ANPEP: variants seen among roughly 807,000 people sequenced by gnomAD.
ANPEP encodes the protein alanyl aminopeptidase, membrane.
Under a neutral mutation model 114.6 loss-of-function variants are expected in ANPEP, and 70 were observed. The ratio of observed to expected loss-of-function variants is 0.61; its 90% confidence interval spans 0.50 to 0.75. The LOEUF is 0.75. ANPEP is among the 30% of genes least tolerant of loss of function. The pLI, the probability that ANPEP is intolerant of heterozygous loss-of-function variation, is 0.00. For synonymous variants in ANPEP, 548 were observed against 522.3 expected (o/e 1.05, Z -0.67); for missense variants, 1,184 against 1,259.5 (o/e 0.94, Z 0.91).
chr15:89,806,140 G>T lies in ANPEP; in HGVS notation c.444C>A (p.Pro148=). 6.2e-7 allele frequency: 1 copy of T among 1,613,936 alleles called. No homozygotes were observed. Among genetic ancestry groups the T allele is most frequent in the South Asian group, 1.1e-5 (1 of 91,074 alleles). The change falls in exon 2 of 21, where the codon CCC becomes CCA. Residue 148 remains proline (P), a synonymous_variant. Coordinates refer to ENST00000300060, the MANE Select transcript of ANPEP (RefSeq NM_001150.3). This position sits in a 1 kb window ranked among gnomAD's most constrained non-coding sequence, Gnocchi z 5.7. Reference sequence around the variant, plus strand: ...CCACCAGCTCAGTCTTGTCAATGTCGGGGGGCTGGGAGCCTCCCACACCAC... The same window carrying T: ...CCACCAGCTCAGTCTTGTCAATGTCTGGGGGCTGGGAGCCTCCCACACCAC... ...VLRGVGGSQP[P]DIDKTELVEP...
chr15:89,801,409 A>G, intron 11 of ANPEP, 26 bp downstream of exon 11: 1 of 1,612,710 alleles, frequency 6.2e-7, no homozygotes, highest in South Asian at 1.1e-5. Context: ...CCACCTGACC[A>G]TGCCTCAGTG....
chr15:89,803,723 G>A lies in ANPEP; in HGVS notation c.1361C>T (p.Pro454Leu), dbSNP rs200722247. The A allele has an allele frequency of 2.7e-5, 44 of 1,612,462 alleles. No individual in the cohort carries two copies. The highest frequency in any genetic ancestry group is 1.3e-4 in the Admixed American group (8 of 59,882). Reference sequence around the variant, plus strand: ...GATCTCCGAGGCGGGTGTGGACAGCGGGTGGGAGGAGGCCAGTGCATCCAC... The same window carrying A: ...GATCTCCGAGGCGGGTGTGGACAGCAGGTGGGAGGAGGCCAGTGCATCCAC... Reference protein sequence around the residue: ...MAVDALASSHPLSTPASEINT... With the variant: ...MAVDALASSHLLSTPASEINT... Residue 454 changes from proline to leucine, a missense_variant, in exon 8 of 21, where the codon CCG becomes CTG. Transcript: ENST00000300060. The surrounding 1 kb of genome is among the most constrained non-coding windows in gnomAD (Gnocchi z 4.2).
At position 89,799,232 on chromosome 15, in the gene ANPEP, C is replaced by T. The variant is rs1177408998; in HGVS notation, c.2009+28G>A. The T allele has an allele frequency of 1.2e-6, 2 of 1,613,876 alleles. No individual in the cohort carries two copies. The highest frequency in any genetic ancestry group is 2.7e-5 in the African/African-American group (2 of 74,944). ...GACTTGCTGAAGTCACGAGCTTCTGCAGCTGAGCCAGGCAGCGGAGCACTC... is the reference window on the plus strand; with the variant it reads ...GACTTGCTGAAGTCACGAGCTTCTGTAGCTGAGCCAGGCAGCGGAGCACTC... On this transcript the variant is annotated intron_variant, in intron 14 of 20. Transcript: ENST00000300060. The surrounding 1 kb of genome is among the most constrained non-coding windows in gnomAD (Gnocchi z 4.2).
chr15:89,806,628 G>T lies in ANPEP; in HGVS notation c.-45C>A. 1 of 1,515,810 alleles carries T rather than the reference G, an allele frequency of 6.6e-7. No homozygotes were observed. Among genetic ancestry groups the T allele is most frequent in the South Asian group, 1.3e-5 (1 of 78,154 alleles). The allele number at this position is 1,515,810 out of a possible 1,614,324, so 93.9% of individuals were successfully genotyped here. On this transcript the variant is annotated 5_prime_UTR_variant, in exon 2 of 21. Coordinates refer to ENST00000300060, the MANE Select transcript of ANPEP (RefSeq NM_001150.3). This position sits in a 1 kb window ranked among gnomAD's most constrained non-coding sequence, Gnocchi z 5.7. ...CTCAGGGAGCCTCAGGCCAGGCAGA[G>T]AACGGAGCAGCCCCAGGCCGGGCTT... is the stretch of plus-strand genomic sequence containing the variant.
At chr15:89,809,598 G>A (rs1381500802) in intron 1 of ANPEP, among the ~76,000 whole-genome samples, 1 of 152,158 alleles carries the variant, frequency 6.6e-6, no homozygotes, top group Admixed American at 6.5e-5. Flanking sequence ...ACACAAAAGG[G>A]CTTCCCTCGT....
Position 89,799,476 on chromosome 15 carries a change from C to T in ANPEP, c.1903G>A (p.Asp635Asn), listed in dbSNP as rs776484276. The stretch of plus-strand genomic sequence containing the variant: ...TGAATCTTCCTCCAGTTCTCTTCGT[C>T]GTAGTTCACCCGGTAATAGCCCGTC... ...NVTGYYRVNY[D>N]EENWRKIQTQ... is the part of the protein sequence containing the mutation. Residue 635 changes from aspartate (D) to asparagine (N), a missense_variant, in exon 13 of 21, where the codon GAC becomes AAC. Transcript: ENST00000300060. This position sits in a 1 kb window ranked among gnomAD's most constrained non-coding sequence, Gnocchi z 4.2. 22 of 1,614,040 alleles carry T rather than the reference C, an allele frequency of 1.4e-5. No individual in the cohort carries two copies. Among genetic ancestry groups the T allele is most frequent in the South Asian group, 3.3e-5 (3 of 91,086 alleles).
chr15:89,795,988 G>A (rs1406786663), intron 15 of ANPEP, among the ~76,000 whole-genome samples: 1 of 152,208 alleles, frequency 6.6e-6, no homozygotes, highest in African/African-American at 2.4e-5. Flanking sequence ...GCCAAGGAGG[G>A]AGGATTGCTT....
chr15:89,791,416 CTTCTT>C (rs59240593), intron 18 of ANPEP, among the ~76,000 whole-genome samples: 90,268 of 150,638 alleles, frequency 0.6, 28,897 homozygotes, highest in African/African-American at 0.81. Flanking sequence ...GAGGGTGGCC[CTTCTT>C]TTCTTTTCTT....
In ANPEP at chr15:89,791,070, G is replaced by T. The variant is rs765520167; in HGVS notation, c.2552C>A (p.Pro851Gln). ...GGCGTCCTGCTTCCGGATTAAGTCC[G>T]GGTTCAGGGTGTAGCTCAGGTACCT... ...LNRYLSYTLNPDLIRKQDATS... is the reference protein window; with the variant it reads ...LNRYLSYTLNQDLIRKQDATS... Residue 851 changes from proline to glutamine, a missense_variant, in exon 19 of 21, where the codon CCG becomes CAG. By Grantham distance (76) the Pro-to-Gln change is moderately conservative (BLOSUM62 -1). Coordinates refer to ENST00000300060, the MANE Select transcript of ANPEP (RefSeq NM_001150.3). The T allele has an allele frequency of 6.2e-7, 1 of 1,614,070 alleles. No homozygotes were observed. Among genetic ancestry groups the T allele is most frequent in the Non-Finnish European group, 8.5e-7 (1 of 1,180,032 alleles).
In ANPEP at chr15:89,806,259, C is replaced by T. The variant is rs150675107; in HGVS notation, c.325G>A (p.Val109Ile). The change falls in exon 2 of 21, where the codon GTC becomes ATC. Residue 109 changes from valine (V) to isoleucine (I), a missense_variant. Transcript: ENST00000300060. This position sits in a 1 kb window ranked among gnomAD's most constrained non-coding sequence, Gnocchi z 5.7. ...GTGGCCTCCTTGCAGGTGAAACGGACGGTGCTGGAGCCCTTAAAAACGTAC... is the reference window on the plus strand; with the variant it reads ...GTGGCCTCCTTGCAGGTGAAACGGATGGTGCTGGAGCCCTTAAAAACGTAC... ...GLYVFKGSSTVRFTCKEATDV... is the reference protein window; with the variant it reads ...GLYVFKGSSTIRFTCKEATDV... The T allele has an allele frequency of 8.4e-5, 135 of 1,614,096 alleles. No homozygotes were observed. The African/African-American group carries it at 1.1e-3, about 14-fold the overall frequency.
At chr15:89,800,516 G>A (rs1894565275) in intron 12 of ANPEP, among the ~76,000 whole-genome samples, 1 of 150,254 alleles carries the variant, frequency 6.7e-6, no homozygotes, top group African/African-American at 2.5e-5. Context: ...CTCATAACAT[G>A]TGCCAGGCAC....
At chr15:89,787,555 G>C (rs1968531165) in intron 20 of ANPEP, among the ~76,000 whole-genome samples, 1 of 152,214 alleles carries the variant, frequency 6.6e-6, no homozygotes. Flanking sequence ...GACCTATTAA[G>C]TGAGTGAAAA....
intron 12 of ANPEP, among the ~76,000 whole-genome samples, chr15:89,800,690 T>G (rs1894570585): frequency 6.6e-6 from 1 of 151,204 alleles, no homozygotes; most frequent in Non-Finnish European, 1.5e-5. Flanking sequence ...GCCTCCAGAG[T>G]AGCTGGGATT....
chr15:89,804,799 T>C (rs894957125), intron 4 of ANPEP, 182 bp from the exon 5 acceptor site: 4 of 932,640 alleles, frequency 4.3e-6, no homozygotes, highest in African/African-American at 1.7e-5. Context: ...AGGCTGTGGG[T>C]CCTAGAGAAG....
In ANPEP at chr15:89,803,832, G is replaced by T; in HGVS notation, c.1294-42C>A. On this transcript the variant is annotated intron_variant, in intron 7 of 20. Coordinates refer to ENST00000300060, the MANE Select transcript of ANPEP (RefSeq NM_001150.3). This position sits in a 1 kb window ranked among gnomAD's most constrained non-coding sequence, Gnocchi z 4.2. ...GCCATCAGGAGACTGGCCTGGTAGC[G>T]GTGGCCCAGGTCTCCCTCCATGCCC... 1 of 1,612,302 alleles carries T rather than the reference G, an allele frequency of 6.2e-7. No homozygotes were observed. The highest frequency in any genetic ancestry group is 8.5e-7 in the Non-Finnish European group (1 of 1,178,678).
Position 89,803,125 on chromosome 15 carries a change from G to A in ANPEP, c.1569+114C>T, listed in dbSNP as rs1457465740. 2.5e-6 allele frequency: 3 copies of A among 1,212,628 alleles called. No individual in the cohort carries two copies. The South Asian group carries it at 3.8e-5, about 15-fold the overall frequency. The allele number at this position is 1,212,628 out of a possible 1,614,324, so 75.1% of individuals were successfully genotyped here. A position where few individuals can be genotyped will look rare whatever the true frequency, so the allele number is the denominator to read the frequency against. ...CAACAGAGGCTCCATCCACCCTGCA[G>A]GGCTGGTCAGCCGCGGAGCTGGACC... On this transcript the variant is annotated intron_variant, in intron 10 of 20. Transcript: ENST00000300060. This position sits in a 1 kb window ranked among gnomAD's most constrained non-coding sequence, Gnocchi z 4.2.
At chr15:89,790,811 C>G (rs1968606581) in intron 19 of ANPEP, 142 bp downstream of exon 19, 1 of 1,120,558 alleles carries the variant, frequency 8.9e-7, no homozygotes, top group Admixed American at 2.7e-5. Flanking sequence ...TCTTTCCATT[C>G]CTGCCCCACC....
At chr15:89,800,215 G>A (rs1473120999) in intron 12 of ANPEP, among the ~76,000 whole-genome samples, 1 of 152,100 alleles carries the variant, frequency 6.6e-6, no homozygotes, top group African/African-American at 2.4e-5. Flanking sequence ...TATTCCCTTT[G>A]CCTGGAATTC....
rs367803296 is a variant in ANPEP, at chr15:89,793,032, C to T, written c.2249+3G>A. 1.9e-6 allele frequency: 3 copies of T among 1,613,232 alleles called. No individual in the cohort carries two copies. The East Asian group carries it at 6.7e-5, about 36-fold the overall frequency. On this transcript the variant is annotated splice_donor_region_variant and intron_variant, in intron 16 of 20. Transcript: ENST00000300060. The stretch of plus-strand genomic sequence containing the variant: ...TTCCAAACCCATGAGAGCTCCCACT[C>T]ACTGGTCCATCAGGTTTTCTGGGAT...
Sources: allele counts gnomAD v4.1 joint callset (sites outside exome capture counted in the v4.1 genomes callset), GRCh38; gene constraint gnomAD v4.1.1; non-coding constraint Gnocchi (gnomAD v3.1); transcripts MANE v1.5; gene names NCBI Gene and HGNC (gene_info 2026-07-23, HGNC 2026-07-21).